TDRD7: variants seen among roughly 807,000 people sequenced by gnomAD.
The protein encoded by TDRD7 is tudor domain containing 7.
TDRD7 carries 47 observed loss-of-function variants against 109.8 expected under a neutral mutation model. The ratio of observed to expected loss-of-function variants is 0.43; its 90% confidence interval spans 0.34 to 0.55. The LOEUF is 0.55. Ranked by LOEUF, TDRD7 falls within the 20% of genes least tolerant of loss-of-function variation. The pLI, the probability that TDRD7 is intolerant of heterozygous loss-of-function variation, is 0.03. For missense variants in TDRD7, 1,164 were observed against 1,319.2 expected (o/e 0.88, Z 1.82); for synonymous variants, 424 against 457.3 (o/e 0.93, Z 0.93).
chr9:97,435,119 G>T (rs1828170683), intron 4 of TDRD7, among the ~76,000 whole-genome samples: 1 of 152,116 alleles, frequency 6.6e-6, no homozygotes, highest in South Asian at 2.1e-4. Context: ...ACGTGAATCT[G>T]TACGTGTGGT....
intron 4 of TDRD7, among the ~76,000 whole-genome samples, chr9:97,438,583 A>T (rs1184657499): frequency 6.6e-6 from 1 of 152,202 alleles, no homozygotes; most frequent in Non-Finnish European, 1.5e-5. Flanking sequence ...AATATAAATG[A>T]TGTGTGTGGG....
intron 7 of TDRD7, among the ~76,000 whole-genome samples, chr9:97,464,106 C>T (rs1828779647): frequency 6.6e-6 from 1 of 152,292 alleles, no homozygotes; most frequent in African/African-American, 2.4e-5. Flanking sequence ...AGATTTCCAG[C>T]AGCCTTAGTC....
intron 10 of TDRD7, 48 bp downstream of exon 10, chr9:97,472,543 G>A (rs1828939969): frequency 2.8e-6 from 4 of 1,409,502 alleles, no homozygotes; most frequent in African/African-American, 2.8e-5. Context: ...TTGTATGAGA[G>A]AAAAATCACC....
In TDRD7 at chr9:97,464,943, A is replaced by G. The variant is rs749376093; in HGVS notation, c.1544A>G (p.Asn515Ser). 1 of 1,614,198 alleles carries G rather than the reference A, an allele frequency of 6.2e-7. No individual in the cohort carries two copies. The highest frequency in any genetic ancestry group is 1.1e-5 in the South Asian group (1 of 91,088). Residue 515 changes from asparagine to serine, a missense_variant, in exon 8 of 17, where the codon AAT (asparagine) becomes AGT (serine). Around this residue, in one of 5 missense-constraint regions of TDRD7, gnomAD observed 261 missense variants for 336.2 expected, o/e 0.78. Coordinates refer to ENST00000355295, the MANE Select transcript of TDRD7 (RefSeq NM_014290.3). ...AAGATCACACCAGTCCAGGCTGTGA[A>G]TGTTGGGCAGTTGCTGGCCGTAAAT... Reference protein sequence around the residue: ...NPKITPVQAVNVGQLLAVNAE... With the variant: ...NPKITPVQAVSVGQLLAVNAE...
At chr9:97,428,397 A>T in intron 1 of TDRD7, 63 bp from the exon 2 acceptor site, 1 of 1,513,846 alleles carries the variant, frequency 6.6e-7, no homozygotes, top group Non-Finnish European at 9.1e-7. Flanking sequence ...CAGCTCTGAA[A>T]ATCTATTTGA....
chr9:97,480,994 G>A lies in TDRD7; in HGVS notation c.2412+56G>A, dbSNP rs1829107005. 4.1e-6 allele frequency: 6 copies of A among 1,480,838 alleles called. No homozygotes were observed. The Admixed American group carries it at 1.0e-4, about 25-fold the overall frequency. The allele number at this position is 1,480,838 out of a possible 1,614,324, so 91.7% of individuals were successfully genotyped here. ...AGAAAGGGAGCTGGCAGCTGTCAGGGCTCATTTAGTTTTTGTGAAGGAATT... is the reference window on the plus strand; with the variant it reads ...AGAAAGGGAGCTGGCAGCTGTCAGGACTCATTTAGTTTTTGTGAAGGAATT... On this transcript the variant is annotated intron_variant, in intron 14 of 16. Coordinates refer to ENST00000355295, the MANE Select transcript of TDRD7 (RefSeq NM_014290.3).
intron 1 of TDRD7, among the ~76,000 whole-genome samples, chr9:97,421,354 A>G (rs1356520512): frequency 6.6e-6 from 1 of 152,080 alleles, no homozygotes; most frequent in African/African-American, 2.4e-5. Context: ...GCATCTTTTC[A>G]TGTGTTTTTT....
intron 5 of TDRD7, among the ~76,000 whole-genome samples, chr9:97,440,402 G>C (rs751695266): frequency 1.5e-4 from 23 of 152,134 alleles, no homozygotes; most frequent in African/African-American, 2.7e-4. Context: ...CACAGCTGTC[G>C]GTCAGCTGCT....
chr9:97,447,858 A>G (rs1258511519), intron 6 of TDRD7, among the ~76,000 whole-genome samples: 3 of 152,258 alleles, frequency 2.0e-5, no homozygotes, highest in Non-Finnish European at 4.4e-5. Flanking sequence ...CTTAAGGAAC[A>G]TGAGCAAGAG....
rs779520766 is a variant in TDRD7 at position 97,483,051 on chromosome 9, A to G, written c.2615A>G (p.Asn872Ser). 4 of 1,614,064 alleles carry G rather than the reference A, an allele frequency of 2.5e-6. No individual in the cohort carries two copies. Among genetic ancestry groups the G allele is most frequent in the Non-Finnish European group, 1.7e-6 (2 of 1,180,020 alleles). The change falls in exon 15 of 17, where the codon AAC (asparagine) becomes AGC (serine). Residue 872 changes from asparagine (N) to serine (S), a missense_variant. Physicochemically the swap from Asn to Ser is conservative, Grantham distance 46 (BLOSUM62 1). Transcript: ENST00000355295. ...AATGGCAACATGCCCATGTCGGGCA[A>G]CACTGGAGAGAATTTCAGAAAGAAC... ...SKNGNMPMSG[N>S]TGENFRKNLT...
intron 2 of TDRD7, among the ~76,000 whole-genome samples, chr9:97,429,296 C>T (rs1165023513): frequency 1.3e-5 from 2 of 152,180 alleles, no homozygotes; most frequent in Admixed American, 6.5e-5. Context: ...TCTGTCATTG[C>T]TCTTCCACTG....
At chr9:97,424,702 T>C (rs1827957327) in intron 1 of TDRD7, among the ~76,000 whole-genome samples, 1 of 152,168 alleles carries the variant, frequency 6.6e-6, no homozygotes, top group Non-Finnish European at 1.5e-5. Context: ...TTGAAGGTGG[T>C]ATATAAGTAA....
chr9:97,443,345 G>A (rs113172196), intron 6 of TDRD7, among the ~76,000 whole-genome samples: 95 of 152,286 alleles, frequency 6.2e-4, no homozygotes, highest in Non-Finnish European at 1.1e-3. Flanking sequence ...AGTCTAAGGT[G>A]GGAAAATAAG....
At chr9:97,439,901 C>T (rs1828270715) in intron 5 of TDRD7, among the ~76,000 whole-genome samples, 1 of 152,164 alleles carries the variant, frequency 6.6e-6, no homozygotes, top group Non-Finnish European at 1.5e-5. Flanking sequence ...GTTATCTTTT[C>T]TTCTCCAACC....
chr9:97,481,349 A>G (rs1448617628), intron 14 of TDRD7, among the ~76,000 whole-genome samples: 2 of 152,182 alleles, frequency 1.3e-5, no homozygotes, highest in Non-Finnish European at 2.9e-5. Context: ...TAAACAAATC[A>G]TTTATTTATA....
At chr9:97,427,839 C>G (rs1196477891) in intron 1 of TDRD7, among the ~76,000 whole-genome samples, 1 of 152,156 alleles carries the variant, frequency 6.6e-6, no homozygotes, top group East Asian at 1.9e-4. Context: ...CTTTCTCCTT[C>G]CCATTTATCT....
chr9:97,424,353 G>A (rs1827951044), intron 1 of TDRD7, among the ~76,000 whole-genome samples: 1 of 152,022 alleles, frequency 6.6e-6, no homozygotes, highest in Non-Finnish European at 1.5e-5. Context: ...ACCACACCCG[G>A]CCAGCTCTCT....
intron 13 of TDRD7, among the ~76,000 whole-genome samples, chr9:97,478,996 A>G (rs1445058688): frequency 2.6e-5 from 4 of 152,182 alleles, no homozygotes; most frequent in African/African-American, 9.7e-5. Flanking sequence ...CATACATTTT[A>G]ATTAAAAGAT....
intron 6 of TDRD7, among the ~76,000 whole-genome samples, chr9:97,453,866 T>C (rs1828553327): frequency 6.6e-6 from 1 of 152,178 alleles, no homozygotes; most frequent in Non-Finnish European, 1.5e-5. Flanking sequence ...TAAATATATA[T>C]GCACCCAATA....
Sources: allele counts gnomAD v4.1 joint callset (sites outside exome capture counted in the v4.1 genomes callset), GRCh38; gene constraint gnomAD v4.1.1; regional missense constraint gnomAD v4.1.1; transcripts MANE v1.5; gene names NCBI Gene and HGNC (gene_info 2026-07-23, HGNC 2026-07-21).